The following ZNF585B variants were observed in gnomAD, a reference collection of about 807,000 sequenced individuals.
ZNF585B encodes zinc finger protein 41-like protein.
In ZNF585B, 7 loss-of-function variants were observed where a neutral mutation model predicts 14.0. The ratio of observed to expected loss-of-function variants is 0.50; its 90% confidence interval spans 0.28 to 0.94. ZNF585B has a LOEUF of 0.94. Ranked by LOEUF, ZNF585B falls within the 40% of genes least tolerant of loss-of-function variation. The pLI is 0.09. For synonymous variants in ZNF585B, 290 were observed against 317.3 expected (o/e 0.91, Z 0.91); for missense variants, 750 against 924.4 (o/e 0.81, Z 2.45).
intron 2 of ZNF585B, 129 bp downstream of exon 2, chr19:37,206,911 C>T: frequency 8.5e-7 from 1 of 1,181,038 alleles, no homozygotes; most frequent in Non-Finnish European, 1.2e-6. Flanking sequence ...AGTTTTCTTT[C>T]AGGAGCACCA....
chr19:37,188,706 G>C (rs1972367175), intron 4 of ZNF585B, among the ~76,000 whole-genome samples: 2 of 151,974 alleles, frequency 1.3e-5, no homozygotes, highest in African/African-American at 4.8e-5. Flanking sequence ...ACCAGGAAGA[G>C]AGACCCTAAC....
rs1972280701 is a variant in ZNF585B, at chr19:37,183,156, A to C, written c.*2071T>G. ...CAGGAAATCCTGGAAGCAAGCATCC[A>C]CATGGGATTTCCTGTACCTGTTTTC... On this transcript the variant is annotated 3_prime_UTR_variant, in exon 5 of 5. Coordinates refer to ENST00000532828, the MANE Select transcript of ZNF585B (RefSeq NM_152279.4). 1 of 152,242 alleles carries C rather than the reference A, an allele frequency of 6.6e-6. No individual in the cohort carries two copies. Among genetic ancestry groups the C allele is most frequent in the Non-Finnish European group, 1.5e-5 (1 of 68,038 alleles). 9.4% of individuals were successfully genotyped at this position (152,242 alleles called of 1,614,324 possible).
In ZNF585B at chr19:37,184,709, A is replaced by G; in HGVS notation, c.*518T>C. On this transcript the variant is annotated 3_prime_UTR_variant, in exon 5 of 5. Coordinates refer to ENST00000532828, the MANE Select transcript of ZNF585B (RefSeq NM_152279.4). ...CTTATTGCAGTATCTCTTGCTTGAT[A>G]GAAATACTCAATGGGGAATTGGATA... is the stretch of plus-strand genomic sequence containing the variant. 1 of 280,998 alleles carries G rather than the reference A, an allele frequency of 3.6e-6. No individual in the cohort carries two copies. The highest frequency in any genetic ancestry group is 6.1e-5 in the East Asian group (1 of 16,482). 17.4% of individuals were successfully genotyped at this position (280,998 alleles called of 1,614,324 possible). A position where few individuals can be genotyped will look rare whatever the true frequency, so the allele number is the denominator to read the frequency against.
At chr19:37,194,047 C>T (rs1456791488) in intron 2 of ZNF585B, among the ~76,000 whole-genome samples, 1 of 152,062 alleles carries the variant, frequency 6.6e-6, no homozygotes, top group Non-Finnish European at 1.5e-5. Flanking sequence ...TTAGATAAAA[C>T]ATTGTGTTTG....
At chr19:37,197,633 C>T (rs1333979211) in intron 2 of ZNF585B, among the ~76,000 whole-genome samples, 1 of 152,198 alleles carries the variant, frequency 6.6e-6, no homozygotes, top group Non-Finnish European at 1.5e-5. Context: ...CACATCCTCT[C>T]CAGCATCTGT....
rs192683552 is a variant in ZNF585B at position 37,197,988 on chromosome 19, T to C, written c.73-7838A>G. ...CTTAGTCATCAATTTTGTGTCACTA[T>C]GTACATTCTGGTGCCAGGAATGTGT... On this transcript the variant is annotated intron_variant, in intron 2 of 4. Transcript: ENST00000532828. 2.4e-4 allele frequency among the ~76,000 whole-genome samples: 37 copies of C among 152,090 alleles called. 1 individual carries two copies. The highest frequency in any genetic ancestry group is 5.9e-5 in the Non-Finnish European group (4 of 68,022).
chr19:37,181,642 G>A lies in ZNF585B; in HGVS notation c.*3585C>T, dbSNP rs1972267933. Reference sequence around the variant, plus strand: ...AAGCAATTAAGGTGTCCTTCAGTAGGTGAATGGATAAATAAGTCATGGTAC... The same window carrying A: ...AAGCAATTAAGGTGTCCTTCAGTAGATGAATGGATAAATAAGTCATGGTAC... On this transcript the variant is annotated 3_prime_UTR_variant, in exon 5 of 5. Transcript: ENST00000532828. 1 of 150,732 alleles carries A rather than the reference G, an allele frequency of 6.6e-6. No homozygotes were observed. 9.3% of individuals were successfully genotyped at this position (150,732 alleles called of 1,614,324 possible). A position where few individuals can be genotyped will look rare whatever the true frequency, so the allele number is the denominator to read the frequency against.
intron 2 of ZNF585B, among the ~76,000 whole-genome samples, chr19:37,193,018 C>T (rs1972419689): frequency 6.6e-6 from 1 of 151,506 alleles, no homozygotes; most frequent in Non-Finnish European, 1.5e-5. Flanking sequence ...GCCTGGAATC[C>T]CGGCTACTTG....
At chr19:37,199,491 CT>C (rs760793597) in intron 2 of ZNF585B, 3 of 452,910 alleles carry the variant, frequency 6.6e-6, no homozygotes. Flanking sequence ...CACCACAGCA[CT>C]CCAGCCTGAG....
chr19:37,205,176 C>T (rs1972573308), intron 2 of ZNF585B, among the ~76,000 whole-genome samples: 1 of 152,152 alleles, frequency 6.6e-6, no homozygotes, highest in Non-Finnish European at 1.5e-5. Flanking sequence ...GTTGGGATTA[C>T]AGGTGTGAAC....
In ZNF585B at chr19:37,186,153, C is replaced by T. The variant is rs1467904535; in HGVS notation, c.1384G>A (p.Gly462Arg). The T allele has an allele frequency of 1.2e-6, 2 of 1,614,126 alleles. No individual in the cohort carries two copies. The highest frequency in any genetic ancestry group is 2.2e-5 in the East Asian group (1 of 44,876). Residue 462 changes from glycine (G) to arginine (R), a missense_variant, in exon 5 of 5, where the codon GGA becomes AGA. Gly to Arg is a moderately radical substitution (Grantham distance 125). Coordinates refer to ENST00000532828, the MANE Select transcript of ZNF585B (RefSeq NM_152279.4). The stretch of plus-strand genomic sequence containing the variant: ...TTATTGCATACATAGGGCTTTTCTC[C>T]TGTGTGAATTCGTTTATGAACATGG... The part of the protein sequence containing the change: ...QLHVHKRIHT[G>R]EKPYVCNKCG...
chr19:37,203,479 CA>C (rs35565550), intron 2 of ZNF585B, among the ~76,000 whole-genome samples: 85 of 114,856 alleles, frequency 7.4e-4, no homozygotes, highest in East Asian at 5.5e-3. Context: ...GATCTTGTCA[CA>C]AAAAAAAAAA....
intron 4 of ZNF585B, among the ~76,000 whole-genome samples, chr19:37,187,565 A>C (rs1972353039): frequency 6.6e-6 from 1 of 152,218 alleles, no homozygotes; most frequent in Non-Finnish European, 1.5e-5. Context: ...CTGTTATTCT[A>C]GAATGAAATA....
Position 37,207,040 on chromosome 19 carries a change from C to T in ZNF585B, c.72G>A (p.Glu24=). 2.5e-6 allele frequency: 4 copies of T among 1,613,936 alleles called. No homozygotes were observed. Among genetic ancestry groups the T allele is most frequent in the South Asian group, 2.2e-5 (2 of 91,072 alleles). ...ACCCCTTGGGACTCCTCCTCCTCAC[C>T]TCATAGGAGCTGCCATGATCCTCTG... ...LAPEDHGSSY[E]GSVSFRDVAI... The change falls in exon 2 of 5, where the codon GAG becomes GAA. Residue 24 remains glutamate, a splice_region_variant and synonymous_variant. Transcript: ENST00000532828.
At chr19:37,203,261 C>T (rs1327888747) in intron 2 of ZNF585B, among the ~76,000 whole-genome samples, 1 of 151,934 alleles carries the variant, frequency 6.6e-6, no homozygotes, top group African/African-American at 2.4e-5. Flanking sequence ...TTAAAAGGCA[C>T]TTAATCTATA....
Position 37,185,436 on chromosome 19 carries a change from T to A in ZNF585B, c.2101A>T (p.Lys701Ter), listed in dbSNP as rs775084373. 6.2e-7 allele frequency: 1 copy of A among 1,613,196 alleles called. No individual in the cohort carries two copies. ...ECSDCGKSFTKKSQLQVHQRI... is the reference protein window; with the variant it reads ...ECSDCGKSFT ...TGATGCACTTGGAGCTGTGATTTTTTAGTGAAAGACTTCCCACAGTCACTG... is the reference window on the plus strand; with the variant it reads ...TGATGCACTTGGAGCTGTGATTTTTAAGTGAAAGACTTCCCACAGTCACTG... The change falls in exon 5 of 5, where the codon AAA becomes TAA. Residue 701 changes from lysine to a stop codon, truncating the protein, a stop_gained. Coordinates refer to ENST00000532828, the MANE Select transcript of ZNF585B (RefSeq NM_152279.4). LOFTEE classifies it low-confidence loss of function (END_TRUNC).
intron 2 of ZNF585B, among the ~76,000 whole-genome samples, chr19:37,197,082 C>T (rs1033476524): frequency 6.6e-6 from 1 of 152,130 alleles, no homozygotes; most frequent in Non-Finnish European, 1.5e-5. Flanking sequence ...CTGCACCCAT[C>T]AACTCATCAT....
chr19:37,204,501 A>G (rs911690190), intron 2 of ZNF585B, among the ~76,000 whole-genome samples: 21 of 152,232 alleles, frequency 1.4e-4, no homozygotes, highest in African/African-American at 4.8e-4. Context: ...ATATTTGAGC[A>G]TAGACAAAAA....
intron 2 of ZNF585B, among the ~76,000 whole-genome samples, chr19:37,197,316 T>A (rs963451331): frequency 2.0e-5 from 3 of 152,168 alleles, no homozygotes; most frequent in Admixed American, 2.0e-4. Flanking sequence ...GAAATCATCC[T>A]TTTTTATGGC....
Sources: gnomAD v4.1 joint callset for allele counts (sites outside exome capture counted in the v4.1 genomes callset) on GRCh38, gnomAD v4.1.1 for gene constraint, MANE v1.5 for transcripts, NCBI Gene and HGNC (gene_info 2026-07-23, HGNC 2026-07-21) for gene names.